PARN: variants seen among roughly 807,000 people sequenced by gnomAD.
PARN encodes poly(A)-specific ribonuclease, also known as poly(A)-specific ribonuclease PARN.
Under a neutral mutation model 102.8 loss-of-function variants are expected in PARN, and 71 were observed. The ratio of observed to expected loss-of-function variants is 0.69; its 90% CI spans 0.57 to 0.84. The LOEUF (loss-of-function observed/expected upper bound fraction) is 0.84. PARN is among the 40% of genes least tolerant of loss of function. The pLI, the probability that PARN is intolerant of heterozygous loss-of-function variation, is 0.00. For synonymous variants in PARN, 261 were observed against 252.9 expected (o/e 1.03, Z -0.30); for missense variants, 782 against 760.9 (o/e 1.03, Z -0.33).
chr16:14,584,658 T>G, intron 15 of PARN, 91 bp downstream of exon 15: 6 of 948,746 alleles, frequency 6.3e-6, no homozygotes, highest in Non-Finnish European at 8.3e-6. Context: ...ATTAAATACC[T>G]CCAAACCTTT....
chr16:14,578,007 A>G (rs965225791), intron 18 of PARN, among the ~76,000 whole-genome samples: 1 of 152,068 alleles, frequency 6.6e-6, no homozygotes, highest in African/African-American at 2.4e-5. Flanking sequence ...ATGAATGCCT[A>G]TACTTAACCA....
At chr16:14,594,741 G>C (rs934605883) in intron 12 of PARN, among the ~76,000 whole-genome samples, 8 of 152,260 alleles carry the variant, frequency 5.3e-5, no homozygotes, top group African/African-American at 1.7e-4. Flanking sequence ...TACCACGATG[G>C]AGCTTTTACT....
intron 23 of PARN, among the ~76,000 whole-genome samples, chr16:14,440,949 A>G (rs1466328836): frequency 2.6e-5 from 4 of 152,212 alleles, no homozygotes; most frequent in Admixed American, 2.6e-4. Context: ...ATGACTGTAC[A>G]CAGATGTCAA....
intron 16 of PARN, among the ~76,000 whole-genome samples, chr16:14,582,599 C>A (rs985043082): frequency 6.6e-6 from 1 of 151,636 alleles, no homozygotes; most frequent in Non-Finnish European, 1.5e-5. Flanking sequence ...GACAATGATT[C>A]CTCTTCTGCT....
intron 21 of PARN, among the ~76,000 whole-genome samples, chr16:14,491,530 C>A (rs567157091): frequency 1.3e-5 from 2 of 152,150 alleles, no homozygotes; most frequent in East Asian, 3.9e-4. Context: ...TTGAGAGGCC[C>A]AGGTGGGAGG....
intron 18 of PARN, among the ~76,000 whole-genome samples, chr16:14,556,561 T>G (rs1460639395): frequency 6.6e-6 from 1 of 152,210 alleles, no homozygotes; most frequent in Non-Finnish European, 1.5e-5. Context: ...CAAACTGGCA[T>G]CCTCAACAGT....
In PARN at chr16:14,514,933, T is replaced by G. The variant is rs182440704; in HGVS notation, c.1481-32106A>C. 2.0e-4 allele frequency among the ~76,000 whole-genome samples: 31 copies of G among 152,326 alleles called. 1 individual carries two copies. In the East Asian group the frequency reaches 5.8e-3, roughly 28 times the overall value. On this transcript the variant is annotated intron_variant, in intron 21 of 23. Transcript: ENST00000437198. ...AGCTACGTTAAATCAAGCTGTTAAT[T>G]ATCACAGATGCCAAGGTGAAGCTAA...
At chr16:14,483,911 G>A (rs1030797551) in intron 21 of PARN, among the ~76,000 whole-genome samples, 2 of 152,192 alleles carry the variant, frequency 1.3e-5, no homozygotes, top group African/African-American at 4.8e-5. Flanking sequence ...GTTCTTCAGT[G>A]ACGATTTCTG....
chr16:14,580,780 G>T, intron 18 of PARN, 94 bp downstream of exon 18: 1 of 697,280 alleles, frequency 1.4e-6, no homozygotes, highest in Non-Finnish European at 2.5e-6. Flanking sequence ...CTAAAAATGT[G>T]TTATAGCTCC....
intron 22 of PARN, among the ~76,000 whole-genome samples, chr16:14,448,241 C>A (rs1435764712): frequency 6.6e-6 from 1 of 152,136 alleles, no homozygotes; most frequent in African/African-American, 2.4e-5. Flanking sequence ...CTCCGCCTCC[C>A]GGGTTCAAGC....
chr16:14,590,577 C>T (rs1201017094), intron 13 of PARN, among the ~76,000 whole-genome samples: 1 of 145,186 alleles, frequency 6.9e-6, no homozygotes, highest in Non-Finnish European at 1.5e-5. Context: ...GGAGGGTGCA[C>T]TGAGCAGAGA....
At chr16:14,623,819 A>G (rs955077445) in intron 5 of PARN, among the ~76,000 whole-genome samples, 2 of 151,204 alleles carry the variant, frequency 1.3e-5, no homozygotes, top group Non-Finnish European at 2.9e-5. Context: ...CCTGGGCGAC[A>G]GTGTAAGGCT....
chr16:14,538,418 C>G (rs1346681923), intron 21 of PARN, among the ~76,000 whole-genome samples: 1 of 151,772 alleles, frequency 6.6e-6, no homozygotes, highest in Non-Finnish European at 1.5e-5. Context: ...CAGGGTTTTG[C>G]CATGTTGACC....
chr16:14,618,977 C>A (rs1417720797), intron 5 of PARN, among the ~76,000 whole-genome samples: 1 of 152,118 alleles, frequency 6.6e-6, no homozygotes, highest in Non-Finnish European at 1.5e-5. Flanking sequence ...AGGAAGATCG[C>A]TTGAGCCCAG....
chr16:14,598,147 A>AATAT (rs149028366), intron 12 of PARN, among the ~76,000 whole-genome samples: 7 of 149,552 alleles, frequency 4.7e-5, no homozygotes, highest in African/African-American at 1.2e-4. Flanking sequence ...CGGCTCAAAA[A>AATAT]ATATATATAT....
At chr16:14,574,902 A>G (rs1472094240) in intron 18 of PARN, among the ~76,000 whole-genome samples, 1 of 152,158 alleles carries the variant, frequency 6.6e-6, no homozygotes, top group Non-Finnish European at 1.5e-5. Context: ...GGCCAGGCCC[A>G]GGAGCCCTGC....
At chr16:14,504,491 G>A (rs755419389) in intron 21 of PARN, among the ~76,000 whole-genome samples, 28 of 152,082 alleles carry the variant, frequency 1.8e-4, no homozygotes, top group African/African-American at 6.5e-4. Context: ...CCCAGGAGGC[G>A]GAGGTTGCAG....
At chr16:14,543,916 TG>T (rs1966856639) in intron 21 of PARN, among the ~76,000 whole-genome samples, 1 of 152,162 alleles carries the variant, frequency 6.6e-6, no homozygotes, top group South Asian at 2.1e-4. Flanking sequence ...AAAACCCGGC[TG>T]GGCACGGTGG....
chr16:14,627,065 T>A (rs373530022), intron 5 of PARN, 41 bp downstream of exon 5: 1 of 1,116,440 alleles, frequency 9.0e-7, no homozygotes, highest in Admixed American at 1.9e-5. Flanking sequence ...TGCTGCCTCA[T>A]CAGCAATTCA....
Sources: gnomAD v4.1 joint callset for allele counts (sites outside exome capture counted in the v4.1 genomes callset) on GRCh38, gnomAD v4.1.1 for gene constraint, MANE v1.5 for transcripts, NCBI Gene and HGNC (gene_info 2026-07-23, HGNC 2026-07-21) for gene names.